LDLRAD4: variants seen among roughly 807,000 people sequenced by gnomAD.
LDLRAD4 encodes the protein low-density lipoprotein receptor class A domain-containing protein 4.
Under a neutral mutation model 17.0 loss-of-function variants are expected in LDLRAD4, and 5 were observed. The observed-to-expected ratio is 0.29, with a 90% CI of 0.15 to 0.62. The LOEUF is 0.62. Ranked by LOEUF, LDLRAD4 falls within the 20% of genes least tolerant of loss-of-function variation. The pLI is 0.84. For synonymous variants in LDLRAD4, 168 were observed against 171.8 expected (o/e 0.98, Z 0.17); for missense variants, 340 against 424.7 (o/e 0.80, Z 1.75).
At chr18:13,379,323 T>C (rs1297477006) in intron 1 of LDLRAD4, among the ~76,000 whole-genome samples, 2 of 152,206 alleles carry the variant, frequency 1.3e-5, no homozygotes, top group African/African-American at 4.8e-5. Context: ...AGCAGCCACT[T>C]GTGTGTGGTG....
chr18:13,548,660 A>G (rs1279498225), intron 3 of LDLRAD4, among the ~76,000 whole-genome samples: 3 of 152,220 alleles, frequency 2.0e-5, no homozygotes, highest in Non-Finnish European at 4.4e-5. Context: ...TGGGCCTCCA[A>G]GAGTCCAGGG....
intron 3 of LDLRAD4, among the ~76,000 whole-genome samples, chr18:13,495,894 G>A (rs753180059): frequency 2.6e-5 from 4 of 152,156 alleles, no homozygotes; most frequent in Non-Finnish European, 5.9e-5. Flanking sequence ...AGCTCAGTCG[G>A]GTCGCCTCGG....
chr18:13,319,286 T>C (rs968302663), intron 1 of LDLRAD4, among the ~76,000 whole-genome samples: 1 of 152,164 alleles, frequency 6.6e-6, no homozygotes, highest in Non-Finnish European at 1.5e-5. Flanking sequence ...TTCGTCCCAG[T>C]TCACGGGCGA....
intron 3 of LDLRAD4, among the ~76,000 whole-genome samples, chr18:13,450,034 C>T (rs774679716): frequency 5.9e-5 from 9 of 152,196 alleles, no homozygotes; most frequent in East Asian, 5.8e-4. Flanking sequence ...CGAGAGAGTT[C>T]GCTCTTCCAT....
intron 3 of LDLRAD4, among the ~76,000 whole-genome samples, chr18:13,513,322 A>G (rs542957625): frequency 2.0e-5 from 3 of 152,370 alleles, no homozygotes; most frequent in African/African-American, 4.8e-5. Flanking sequence ...CTGCTGCTTC[A>G]GAACACATTT....
intron 3 of LDLRAD4, among the ~76,000 whole-genome samples, chr18:13,584,509 C>T (rs532578971): frequency 5.9e-5 from 9 of 152,236 alleles, no homozygotes; most frequent in Admixed American, 1.3e-4. Flanking sequence ...GGAGCTCATC[C>T]GTGTTGTTCC....
chr18:13,240,596 G>C (rs1384808555), intron 1 of LDLRAD4: 1 of 152,794 alleles, frequency 6.5e-6, no homozygotes, highest in East Asian at 1.9e-4. Context: ...GTGCATGTGT[G>C]TGCTTGTGTA....
chr18:13,531,202 T>C (rs2094121721), intron 3 of LDLRAD4, among the ~76,000 whole-genome samples: 1 of 152,166 alleles, frequency 6.6e-6, no homozygotes, highest in Non-Finnish European at 1.5e-5. Flanking sequence ...CAGTTCCAAC[T>C]CAAGATTAAG....
chr18:13,307,185 G>T lies in LDLRAD4; in HGVS notation c.-383+28997G>T, dbSNP rs1440171024. ...GCAAAAAAGGCAGATGGAAATTGCA[G>T]TGTGTTTTGTGAAGTTACACCAAGT... On this transcript the variant is annotated intron_variant, in intron 1 of 5. Transcript: ENST00000359446. Among the ~76,000 whole-genome samples, 3 of 152,310 alleles carry T rather than the reference G, an allele frequency of 2.0e-5. No homozygotes were observed. The East Asian group carries it at 5.8e-4, about 29-fold the overall frequency.
At position 13,621,786 on chromosome 18, in the gene LDLRAD4, G is replaced by A. The variant is rs2040666433; in HGVS notation, c.336+515G>A. On this transcript the variant is annotated intron_variant, in intron 4 of 5. Coordinates refer to ENST00000359446, the Ensembl canonical transcript of LDLRAD4. The surrounding 1 kb of genome is among the most constrained non-coding windows in gnomAD (Gnocchi z 5.5). ...CTCGGGAGCTTCCTGGGGATCGGCG[G>A]TGGGGTTGTTGGCGGTGGGCTTGTC... Among the ~76,000 whole-genome samples the A allele has an allele frequency of 6.6e-6, 1 of 152,068 alleles. No homozygotes were observed. The highest frequency in any genetic ancestry group is 1.5e-5 in the Non-Finnish European group (1 of 68,008).
At chr18:13,525,746 C>T (rs2094020471) in intron 3 of LDLRAD4, among the ~76,000 whole-genome samples, 1 of 152,226 alleles carries the variant, frequency 6.6e-6, no homozygotes, top group African/African-American at 2.4e-5. Context: ...GGGAGAGTGG[C>T]ACCTGTAAGT....
chr18:13,446,960 G>C (rs1460446398), intron 3 of LDLRAD4, among the ~76,000 whole-genome samples: 1 of 152,218 alleles, frequency 6.6e-6, no homozygotes, highest in African/African-American at 2.4e-5. Flanking sequence ...ACTGCAGGGG[G>C]TGTGGGTCAG....
chr18:13,387,344 C>T (rs952407180), exon 2 of LDLRAD4: 1 of 190,712 alleles, frequency 5.2e-6, no homozygotes, highest in African/African-American at 2.4e-5. Context: ...TTTTCAGTTT[C>T]AGAGGCGGAG....
intron 1 of LDLRAD4, among the ~76,000 whole-genome samples, chr18:13,374,778 G>T (rs559082464): frequency 6.6e-6 from 1 of 152,324 alleles, no homozygotes; most frequent in African/African-American, 2.4e-5. Flanking sequence ...CACCTGCTAG[G>T]TGTGTGTCTG....
At chr18:13,286,185 A>T (rs1377260749) in intron 1 of LDLRAD4, among the ~76,000 whole-genome samples, 2 of 152,204 alleles carry the variant, frequency 1.3e-5, no homozygotes, top group African/African-American at 2.4e-5. Flanking sequence ...GGAATCATGC[A>T]GTATTTGTCC....
chr18:13,544,116 C>G (rs2094325255), intron 3 of LDLRAD4, among the ~76,000 whole-genome samples: 1 of 152,242 alleles, frequency 6.6e-6, no homozygotes, highest in African/African-American at 2.4e-5. Context: ...CATCGCTGGG[C>G]CTGCTATGAA....
At chr18:13,510,790 C>CT (rs1489659170) in intron 3 of LDLRAD4, among the ~76,000 whole-genome samples, 2 of 152,184 alleles carry the variant, frequency 1.3e-5, no homozygotes, top group Admixed American at 6.5e-5. Context: ...GATGGACTGT[C>CT]TGTCTCCACG....
At chr18:13,461,749 C>T (rs1251756402) in intron 3 of LDLRAD4, among the ~76,000 whole-genome samples, 8 of 152,184 alleles carry the variant, frequency 5.3e-5, no homozygotes, top group Admixed American at 4.6e-4. Context: ...TACAAAGTTA[C>T]ACCCTATGCA....
chr18:13,409,459 A>G (rs761344322), intron 2 of LDLRAD4, among the ~76,000 whole-genome samples: 3 of 152,248 alleles, frequency 2.0e-5, no homozygotes, highest in Non-Finnish European at 2.9e-5. Context: ...ATTTATTGCC[A>G]TTAGACACAG....
Sources: allele counts gnomAD v4.1 joint callset (sites outside exome capture counted in the v4.1 genomes callset), GRCh38; gene constraint gnomAD v4.1.1; non-coding constraint Gnocchi (gnomAD v3.1); transcripts MANE v1.5; gene names NCBI Gene and HGNC (gene_info 2026-07-23, HGNC 2026-07-21).